TOP1MT: variants seen among roughly 807,000 people sequenced by gnomAD.
The protein encoded by TOP1MT is DNA topoisomerase I mitochondrial.
Under a neutral mutation model 73.9 loss-of-function variants are expected in TOP1MT, and 80 were observed. The ratio of observed to expected loss-of-function variants is 1.08; its 90% CI spans 0.90 to 1.30. The LOEUF is 1.30. Among genes scored for constraint, TOP1MT ranks in the 50% most tolerant of loss-of-function variants. The probability of loss-of-function intolerance (pLI) is 0.00; values close to 1 mark genes in which losing one functional copy is unlikely to be tolerated. For synonymous variants in TOP1MT, 338 were observed against 326.4 expected, an observed-to-expected ratio of 1.04 and a Z score of -0.38; for missense variants, 815 against 808.0, an observed-to-expected ratio of 1.01 and a Z score of -0.10.
intron 8 of TOP1MT, among the ~76,000 whole-genome samples, chr8:143,319,061 G>C (rs1816256127): frequency 6.6e-6 from 1 of 152,146 alleles, no homozygotes; most frequent in Non-Finnish European, 1.5e-5. Context: ...CTTCACCACG[G>C]CAGGGGCACT....
chr8:143,315,872 C>G (rs2129922803), intron 11 of TOP1MT, 51 bp from the exon 12 acceptor site: 1 of 1,605,978 alleles, frequency 6.2e-7, no homozygotes, highest in East Asian at 2.2e-5. Flanking sequence ...CCGCACCAGC[C>G]CCTGTGCCCA....
At chr8:143,317,430 A>C (rs1364415406) in intron 10 of TOP1MT, among the ~76,000 whole-genome samples, 3 of 152,232 alleles carry the variant, frequency 2.0e-5, no homozygotes, top group Non-Finnish European at 4.4e-5. Context: ...AACCCTGAGG[A>C]GGAGCTGAGG....
intron 12 of TOP1MT, among the ~76,000 whole-genome samples, chr8:143,312,742 T>A (rs66613637): frequency 0.13 from 19,076 of 152,208 alleles, 1,375 homozygotes; most frequent in African/African-American, 0.2. Flanking sequence ...GGCATATGAT[T>A]GGAAAAGAAA....
chr8:143,315,056 A>G (rs562109373), intron 12 of TOP1MT, among the ~76,000 whole-genome samples: 4 of 152,128 alleles, frequency 2.6e-5, no homozygotes, highest in Admixed American at 1.3e-4. Context: ...TAGCGGTAGC[A>G]TCAGTGTCAA....
intron 8 of TOP1MT, among the ~76,000 whole-genome samples, chr8:143,320,286 G>A (rs1011168370): frequency 6.6e-6 from 1 of 151,972 alleles, no homozygotes; most frequent in Non-Finnish European, 1.5e-5. Context: ...TCGCCACGAT[G>A]CCCGGCTAAT....
At chr8:143,315,057 T>G (rs529308423) in intron 12 of TOP1MT, among the ~76,000 whole-genome samples, 175 of 152,158 alleles carry the variant, frequency 1.2e-3, no homozygotes, top group African/African-American at 4.1e-3. Flanking sequence ...AGCGGTAGCA[T>G]CAGTGTCAAG....
intron 3 of TOP1MT, chr8:143,328,381 T>C: frequency 2.4e-6 from 1 of 421,464 alleles, no homozygotes; most frequent in Non-Finnish European, 4.7e-6. Flanking sequence ...AACTCAGTTT[T>C]TTAAATAGAC....
chr8:143,349,116 C>G (rs1039383715), upstream of TOP1MT, among the ~76,000 whole-genome samples: 1 of 152,208 alleles, frequency 6.6e-6, no homozygotes, highest in Non-Finnish European at 1.5e-5. Context: ...CAGAGACCAA[C>G]AGGCGGGCCA....
upstream of TOP1MT, among the ~76,000 whole-genome samples, chr8:143,357,535 C>T (rs192519825): frequency 6.6e-6 from 1 of 151,588 alleles, no homozygotes; most frequent in African/African-American, 2.4e-5. Context: ...GTAATCCCAG[C>T]ACTTTGGGAG....
intron 13 of TOP1MT, 53 bp from the exon 14 acceptor site, chr8:143,309,596 G>T (rs1157425235): frequency 1.2e-6 from 2 of 1,608,326 alleles, no homozygotes; most frequent in African/African-American, 1.3e-5. Flanking sequence ...CACCTTGAAG[G>T]CCAGGTCAGG....
chr8:143,353,280 G>T (rs1817350672), intron 1 of TOP1MT, among the ~76,000 whole-genome samples: 1 of 152,126 alleles, frequency 6.6e-6, no homozygotes, highest in Non-Finnish European at 1.5e-5. Flanking sequence ...GCTGGGCGTG[G>T]TGACGCACAC....
chr8:143,339,835 T>C (rs1817043684), upstream of TOP1MT, among the ~76,000 whole-genome samples: 2 of 148,864 alleles, frequency 1.3e-5, no homozygotes, highest in African/African-American at 2.5e-5. Flanking sequence ...CTACACAGCA[T>C]TCCCCCCGTC....
In TOP1MT at chr8:143,312,519, T is replaced by TA. The variant is rs35770330; in HGVS notation, c.1554-2303dup. On this transcript the variant is annotated intron_variant, in intron 12 of 13. Coordinates refer to ENST00000329245, the MANE Select transcript of TOP1MT (RefSeq NM_052963.3). The stretch of plus-strand genomic sequence containing the variant: ...TGACAAAATCCAATGCTCTTCATGA[T>TA]AAAAAAAAAAGAACCTCAACAAACT... Among the ~76,000 whole-genome samples the TA allele has an allele frequency of 3.5e-3, 520 of 150,680 alleles. 6 individuals are homozygous for TA. Among genetic ancestry groups the TA allele is most frequent in the African/African-American group, 0.011 (459 of 40,772 alleles).
rs1563766462 is a variant in TOP1MT, at chr8:143,331,326, T to A, written c.136A>T (p.Lys46Ter). 1 of 1,611,604 alleles carries A rather than the reference T, an allele frequency of 6.2e-7. No individual in the cohort carries two copies. The highest frequency in any genetic ancestry group is 8.5e-7 in the Non-Finnish European group (1 of 1,178,186). ...CTCCACTTCACCCCGTCTTCGTGCT[T>A]CTCCTTCTCCCACCTAAAGACGGAG... ...KGSGARWEKE[K>*]HEDGVKWRQL... Residue 46 changes from lysine to a stop codon, truncating the protein, a stop_gained, in exon 2 of 14, where the codon AAG becomes TAG. Transcript: ENST00000329245. LOFTEE classifies it high-confidence loss of function.
chr8:143,321,637 CACGCCACACACAG>C (rs1344388838), intron 7 of TOP1MT, among the ~76,000 whole-genome samples: 14,748 of 98,374 alleles, frequency 0.15, 3,404 homozygotes, highest in East Asian at 0.38. Context: ...CACACACAGG[CACGCCACACACAG>C]GCACGCCACA....
intron 5 of TOP1MT, among the ~76,000 whole-genome samples, 194 bp downstream of exon 5, chr8:143,325,152 G>A (rs1027994284): frequency 3.9e-5 from 6 of 152,192 alleles, no homozygotes; most frequent in African/African-American, 1.4e-4. Context: ...GAGGACTTCC[G>A]ACCCCGTGGG....
At chr8:143,332,705 G>T in intron 1 of TOP1MT, 1 of 560,684 alleles carries the variant, frequency 1.8e-6, no homozygotes, top group Non-Finnish European at 2.9e-6. Flanking sequence ...AGACGGAGCT[G>T]ATAAAGTAGG....
At chr8:143,346,444 T>TA (rs1412425514), upstream of TOP1MT, among the ~76,000 whole-genome samples, 1 of 152,120 alleles carries the variant, frequency 6.6e-6, no homozygotes, top group Non-Finnish European at 1.5e-5. Context: ...AATGATTTTT[T>TA]AAAAAAAGAT....
intron 2 of TOP1MT, among the ~76,000 whole-genome samples, chr8:143,340,974 C>T (rs1177487221): frequency 6.6e-6 from 1 of 152,134 alleles, no homozygotes. Flanking sequence ...ACCATGCCCT[C>T]ACTGTGCACC....
Sources: gnomAD v4.1 joint callset for allele counts (sites outside exome capture counted in the v4.1 genomes callset) on GRCh38, gnomAD v4.1.1 for gene constraint, MANE v1.5 for transcripts, NCBI Gene and HGNC (gene_info 2026-07-23, HGNC 2026-07-21) for gene names.